FRMD4A: variants seen among roughly 807,000 people sequenced by gnomAD.
FRMD4A encodes the protein FERM domain containing 4A, also known as FERM domain-containing protein 4A.
FRMD4A carries 29 observed loss-of-function variants against 129.1 expected under a neutral mutation model. That is an observed-to-expected ratio of 0.22 (90% CI 0.17 to 0.31). The LOEUF is 0.31. FRMD4A is among the 10% of genes least tolerant of loss of function. FRMD4A has a pLI of 1.00. For missense variants in FRMD4A, 1,272 were observed against 1,375.8 expected, an observed-to-expected ratio of 0.92 and a Z score of 1.19; for synonymous variants, 634 against 571.6, an observed-to-expected ratio of 1.11 and a Z score of -1.56.
intron 2 of FRMD4A, among the ~76,000 whole-genome samples, chr10:14,285,198 G>A: frequency 6.6e-6 from 1 of 152,164 alleles, no homozygotes; most frequent in East Asian, 1.9e-4. Flanking sequence ...ATAAGAGTGA[G>A]GGTCAGACAA....
At chr10:13,880,654 C>G (rs2094536731) in intron 2 of FRMD4A, among the ~76,000 whole-genome samples, 1 of 152,118 alleles carries the variant, frequency 6.6e-6, no homozygotes, top group Non-Finnish European at 1.5e-5. Context: ...CTCTTGTTCC[C>G]TGCCACACTT....
chr10:13,657,820 A>C (rs2082305382), intron 21 of FRMD4A, among the ~76,000 whole-genome samples: 1 of 146,340 alleles, frequency 6.8e-6, no homozygotes. Flanking sequence ...TTCTATAGAC[A>C]CAAAGAGAAT....
intron 2 of FRMD4A, among the ~76,000 whole-genome samples, chr10:13,951,808 T>C (rs1039930153): frequency 2.6e-5 from 4 of 151,670 alleles, no homozygotes; most frequent in Non-Finnish European, 5.9e-5. Flanking sequence ...GAGAATCCCT[T>C]GAACCCAGGA....
intron 2 of FRMD4A, among the ~76,000 whole-genome samples, chr10:14,298,108 C>G (rs1846067338): frequency 6.6e-6 from 1 of 152,154 alleles, no homozygotes; most frequent in African/African-American, 2.4e-5. Context: ...TTTCACACTA[C>G]CAAGACAAAG....
intron 2 of FRMD4A, among the ~76,000 whole-genome samples, chr10:13,954,661 G>T (rs1679641459): frequency 6.6e-6 from 1 of 152,116 alleles, no homozygotes; most frequent in Admixed American, 6.5e-5. Context: ...AGACCCTGGT[G>T]TCACCATCCA....
chr10:13,742,896 C>G (rs2091088902), intron 9 of FRMD4A, among the ~76,000 whole-genome samples: 1 of 151,928 alleles, frequency 6.6e-6, no homozygotes, highest in Admixed American at 6.6e-5. Flanking sequence ...TTTAGCAAGG[C>G]CAGTGTTGGG....
At chr10:14,064,711 G>A (rs1834974061) in intron 2 of FRMD4A, among the ~76,000 whole-genome samples, 2 of 152,012 alleles carry the variant, frequency 1.3e-5, no homozygotes, top group Admixed American at 1.3e-4. Flanking sequence ...CTGAGTACCT[G>A]GGACTACAGG....
chr10:14,102,179 A>G (rs985240553), intron 2 of FRMD4A, among the ~76,000 whole-genome samples: 1 of 152,188 alleles, frequency 6.6e-6, no homozygotes, highest in African/African-American at 2.4e-5. Context: ...AGGTTTCCTC[A>G]CCAGCTGTAA....
In FRMD4A at chr10:14,058,893, A is replaced by G. The variant is rs546864266; in HGVS notation, c.46-199981T>C. Among the ~76,000 whole-genome samples the G allele has an allele frequency of 1.9e-4, 29 of 152,056 alleles. 1 individual carries two copies. The highest frequency in any genetic ancestry group is 3.8e-4 in the Non-Finnish European group (26 of 68,022). Reference sequence around the variant, plus strand: ...TGTGGACTTCTAGGTCACCTTGATCACGCATAGTATCTACCCTTGGTTTAG... The same window carrying G: ...TGTGGACTTCTAGGTCACCTTGATCGCGCATAGTATCTACCCTTGGTTTAG... On this transcript the variant is annotated intron_variant, in intron 2 of 24. Coordinates refer to ENST00000357447, the MANE Select transcript of FRMD4A (RefSeq NM_018027.5).
intron 2 of FRMD4A, among the ~76,000 whole-genome samples, chr10:13,881,665 G>A (rs1418407648): frequency 5.3e-5 from 8 of 152,190 alleles, no homozygotes; most frequent in Middle Eastern, 3.4e-3. Flanking sequence ...CAAATGCCAG[G>A]GATAACGCTG....
chr10:14,121,517 A>C (rs140580460), intron 2 of FRMD4A, among the ~76,000 whole-genome samples: 27 of 152,310 alleles, frequency 1.8e-4, no homozygotes, highest in Non-Finnish European at 3.2e-4. Flanking sequence ...TTTGAGGAGT[A>C]AGAGTTTAAA....
At chr10:14,319,367 T>TCTCTCTCTCACACACACACA in intron 2 of FRMD4A, among the ~76,000 whole-genome samples, 1 of 145,156 alleles carries the variant, frequency 6.9e-6, no homozygotes, top group East Asian at 2.0e-4. Context: ...TCTCTCTCTC[T>TCTCTCTCTCACACACACACA]CACACACACA....
chr10:13,870,151 T>C (rs1444812631), intron 2 of FRMD4A, among the ~76,000 whole-genome samples: 2 of 152,202 alleles, frequency 1.3e-5, no homozygotes. Flanking sequence ...CAGAGATGGG[T>C]GGCAGAGAGC....
At chr10:13,770,827 G>C (rs1221026566) in intron 6 of FRMD4A, among the ~76,000 whole-genome samples, 1 of 152,096 alleles carries the variant, frequency 6.6e-6, no homozygotes, top group African/African-American at 2.4e-5. Flanking sequence ...GAAAAAGAAG[G>C]TACCTGTCTG....
intron 2 of FRMD4A, among the ~76,000 whole-genome samples, chr10:14,225,279 T>A (rs1843397847): frequency 1.3e-5 from 2 of 151,990 alleles, no homozygotes; most frequent in African/African-American, 4.8e-5. Flanking sequence ...CAACCCTCAA[T>A]CCCAACCCCG....
intron 6 of FRMD4A, among the ~76,000 whole-genome samples, chr10:13,776,164 G>A (rs760157653): frequency 1.3e-5 from 2 of 152,086 alleles, no homozygotes; most frequent in Non-Finnish European, 2.9e-5. Flanking sequence ...GTGCAGTAGT[G>A]TGATCTGGAC....
At chr10:14,323,642 C>T (rs1414808836) in intron 2 of FRMD4A, among the ~76,000 whole-genome samples, 4 of 152,164 alleles carry the variant, frequency 2.6e-5, no homozygotes, top group Non-Finnish European at 5.9e-5. Flanking sequence ...GATAATACAG[C>T]TCTTCCTTTT....
chr10:14,038,499 C>A (rs576861119), intron 2 of FRMD4A, among the ~76,000 whole-genome samples: 1 of 152,198 alleles, frequency 6.6e-6, no homozygotes, highest in South Asian at 2.1e-4. Flanking sequence ...TCCTCTTAGT[C>A]CAATTTCTCC....
chr10:13,666,263 G>A lies in FRMD4A; in HGVS notation c.1437C>T (p.Ala479=). Residue 479 remains alanine, a synonymous_variant, in exon 18 of 25, where the codon GCC becomes GCT. Transcript: ENST00000357447. ...CGTTGGGGTCACTGGCTAGGCGGCG[G>A]GCGGCCTCCGTAATCTGGGACTGAA... is the stretch of plus-strand genomic sequence containing the variant. ...FAIQSQITEA[A]RRLASDPNVS... The A allele has an allele frequency of 1.2e-6, 2 of 1,614,082 alleles. No homozygotes were observed. The highest frequency in any genetic ancestry group is 1.7e-6 in the Non-Finnish European group (2 of 1,179,970).
Sources: allele counts gnomAD v4.1 joint callset (sites outside exome capture counted in the v4.1 genomes callset), GRCh38; gene constraint gnomAD v4.1.1; transcripts MANE v1.5; gene names NCBI Gene and HGNC (gene_info 2026-07-23, HGNC 2026-07-21).